Variants in NEDD9 observed in about 807,000 individuals in gnomAD.
NEDD9 encodes the protein enhancer of filamentation 1.
Under a neutral mutation model 76.6 loss-of-function variants are expected in NEDD9, and 26 were observed. That is an observed-to-expected ratio of 0.34 (90% CI 0.25 to 0.47). The LOEUF (loss-of-function observed/expected upper bound fraction) is 0.47, where lower values mean the gene tolerates loss of function less well. NEDD9 is among the 20% of genes least tolerant of loss of function. NEDD9 has a pLI of 1.00. For missense variants in NEDD9, 937 were observed against 1,058.5 expected, an observed-to-expected ratio of 0.89 and a Z score of 1.59; for synonymous variants, 392 against 414.2, an observed-to-expected ratio of 0.95 and a Z score of 0.65.
chr6:11,328,962 A>C (rs568128345), intron 2 of NEDD9: 1 of 152,372 alleles, frequency 6.6e-6, no homozygotes, highest in Non-Finnish European at 1.5e-5. Context: ...ATCTTAAATA[A>C]TGACAAACAT....
intron 2 of NEDD9, among the ~76,000 whole-genome samples, chr6:11,311,226 C>A (rs773308608): frequency 1.3e-5 from 2 of 152,090 alleles, no homozygotes; most frequent in Non-Finnish European, 2.9e-5. Flanking sequence ...CAGAATGGGA[C>A]CTTATTTGGA....
intron 1 of NEDD9, among the ~76,000 whole-genome samples, chr6:11,343,746 T>TA (rs1762317140): frequency 6.6e-6 from 1 of 152,186 alleles, no homozygotes; most frequent in African/African-American, 2.4e-5. Flanking sequence ...ATAAGATGAG[T>TA]AGACAGGCTA....
chr6:11,219,589 G>C (rs1759080151), intron 1 of NEDD9, among the ~76,000 whole-genome samples: 1 of 152,224 alleles, frequency 6.6e-6, no homozygotes, highest in South Asian at 2.1e-4. Flanking sequence ...CTGAGAAACA[G>C]ACACATTCAA....
At chr6:11,289,123 G>A (rs1760709807) in intron 3 of NEDD9, among the ~76,000 whole-genome samples, 1 of 152,196 alleles carries the variant, frequency 6.6e-6, no homozygotes, top group Non-Finnish European at 1.5e-5. Context: ...CAAACAGGCT[G>A]TTAATAAAAT....
At chr6:11,325,541 G>T (rs1761907893) in intron 2 of NEDD9, among the ~76,000 whole-genome samples, 1 of 152,118 alleles carries the variant, frequency 6.6e-6, no homozygotes, top group Admixed American at 6.5e-5. Flanking sequence ...ATATAAAGAT[G>T]AATGGTAAGA....
intron 1 of NEDD9, among the ~76,000 whole-genome samples, chr6:11,221,492 A>G (rs921882604): frequency 1.3e-5 from 2 of 152,174 alleles, no homozygotes; most frequent in African/African-American, 4.8e-5. Context: ...AGTTGATTAG[A>G]GTAGAATTTC....
chr6:11,312,550 T>C (rs1761402846), intron 2 of NEDD9, among the ~76,000 whole-genome samples: 1 of 152,158 alleles, frequency 6.6e-6, no homozygotes, highest in East Asian at 1.9e-4. Flanking sequence ...TAGCCAGAGC[T>C]GATGTCTCTA....
chr6:11,259,068 C>G (rs1364303894), intron 3 of NEDD9: 1 of 152,314 alleles, frequency 6.6e-6, no homozygotes, highest in South Asian at 2.1e-4. Flanking sequence ...TGCTGCTCTG[C>G]CAGGTGAGGT....
At chr6:11,305,794 G>A in intron 3 of NEDD9, 1 of 615,780 alleles carries the variant, frequency 1.6e-6, no homozygotes, top group Admixed American at 2.7e-5. Context: ...TGCCCTGTGG[G>A]CATCAGTGCA....
chr6:11,353,020 C>T lies in NEDD9; in HGVS notation c.-213-18459G>A, dbSNP rs555691268. ...GCCCTCCAGTGGATTCTCCTGCCCT[C>T]TTGAGCGATCACCTTTGCTGCTAGG... On this transcript the variant is annotated intron_variant, in intron 1 of 3. Coordinates refer to the NEDD9 transcript ENST00000397378. Among the ~76,000 whole-genome samples the T allele has an allele frequency of 3.3e-5, 5 of 152,376 alleles. No individual in the cohort carries two copies. In the South Asian group the frequency reaches 6.2e-4, roughly 19 times the overall value.
In NEDD9 at chr6:11,248,851, C is replaced by A. The variant is rs893258811; in HGVS notation, c.13-35124G>T. On this transcript the variant is annotated intron_variant, in intron 3 of 3. Coordinates refer to the NEDD9 transcript ENST00000397378. ...CCTGCACACGGCTCTCCCTACAGTA[C>A]TGGTATCTGAGGACTTGATGAAGTG... 7 of 336,038 alleles carry A rather than the reference C, an allele frequency of 2.1e-5. No individual in the cohort carries two copies. In the Admixed American group the frequency reaches 2.7e-4, roughly 13 times the overall value. 20.8% of individuals were successfully genotyped at this position (336,038 alleles called of 1,614,324 possible). A position where few individuals can be genotyped will look rare whatever the true frequency, so the allele number is the denominator to read the frequency against.
intron 1 of NEDD9, among the ~76,000 whole-genome samples, chr6:11,355,760 G>T (rs1041259588): frequency 6.6e-6 from 1 of 151,126 alleles, no homozygotes; most frequent in Non-Finnish European, 1.5e-5. Flanking sequence ...TCGCTCTGTC[G>T]CCCAGGCTGG....
chr6:11,379,607 C>G (rs1763027250), intron 1 of NEDD9, among the ~76,000 whole-genome samples: 1 of 151,816 alleles, frequency 6.6e-6, no homozygotes, highest in Non-Finnish European at 1.5e-5. Context: ...AATAAATTCA[C>G]TTTTTTAAAA....
chr6:11,351,386 C>T (rs1762465714), intron 1 of NEDD9, among the ~76,000 whole-genome samples: 4 of 152,108 alleles, frequency 2.6e-5, no homozygotes. Flanking sequence ...GGGGCTTCAT[C>T]CTGATGGGGT....
At chr6:11,300,529 C>G (rs1489994700) in intron 3 of NEDD9, among the ~76,000 whole-genome samples, 1 of 152,110 alleles carries the variant, frequency 6.6e-6, no homozygotes, top group Admixed American at 6.5e-5. Context: ...AAAGATACTC[C>G]TCAAGAAGAG....
At position 11,185,467 on chromosome 6, in the gene NEDD9, T is replaced by G; in HGVS notation, c.2200A>C (p.Ser734Arg). The change falls in exon 7 of 7, where the codon AGC becomes CGC. Residue 734 changes from serine to arginine, a missense_variant. By Grantham distance (110) the Ser-to-Arg change is moderately radical (BLOSUM62 -1). Coordinates refer to ENST00000379446, the MANE Select transcript of NEDD9 (RefSeq NM_006403.4). ...AAGATTCGCGGGGGCTGGGCTGAGC[T>G]GACACAACTGAAGAGTGCGTCAATG... The part of the protein sequence containing the change: ...NAIDALFSCV[S>R]SAQPPRIFVA... 1.9e-6 allele frequency: 3 copies of G among 1,614,208 alleles called. No homozygotes were observed. Among genetic ancestry groups the G allele is most frequent in the Non-Finnish European group, 2.5e-6 (3 of 1,180,042 alleles).
intron 1 of NEDD9, among the ~76,000 whole-genome samples, chr6:11,342,649 T>A (rs950559851): frequency 6.6e-6 from 1 of 152,146 alleles, no homozygotes; most frequent in Admixed American, 6.5e-5. Flanking sequence ...CACAAGCAGA[T>A]CTGAACTACA....
intron 2 of NEDD9, among the ~76,000 whole-genome samples, chr6:11,194,260 G>A (rs759289432): frequency 4.6e-5 from 7 of 152,170 alleles, no homozygotes; most frequent in Non-Finnish European, 7.3e-5. Flanking sequence ...TCATCAGATA[G>A]AGTTGATGCA....
At chr6:11,309,602 G>A (rs1461684188) in intron 2 of NEDD9, among the ~76,000 whole-genome samples, 4 of 152,118 alleles carry the variant, frequency 2.6e-5, no homozygotes, top group Non-Finnish European at 4.4e-5. Context: ...CGTATCAATC[G>A]ATATTCTCAT....
Sources: gnomAD v4.1 joint callset for allele counts (sites outside exome capture counted in the v4.1 genomes callset) on GRCh38, gnomAD v4.1.1 for gene constraint, MANE v1.5 for transcripts, NCBI Gene and HGNC (gene_info 2026-07-23, HGNC 2026-07-21) for gene names.